The following GFRA1 variants were observed in gnomAD, a reference collection of about 807,000 sequenced individuals.
The protein encoded by GFRA1 is GDNF family receptor alpha-1.
Under a neutral mutation model 51.6 loss-of-function variants are expected in GFRA1, and 16 were observed. That is an observed-to-expected ratio of 0.31 (90% CI 0.21 to 0.47). GFRA1 has a LOEUF of 0.47. GFRA1 is among the 20% of genes least tolerant of loss of function. The pLI, the probability that GFRA1 is intolerant of heterozygous loss-of-function variation, is 1.00. For missense variants in GFRA1, 530 were observed against 594.3 expected (o/e 0.89, Z 1.13); for synonymous variants, 270 against 241.3 (o/e 1.12, Z -1.10).
At chr10:116,117,650 T>C (rs1957482654) in intron 6 of GFRA1, among the ~76,000 whole-genome samples, 1 of 151,534 alleles carries the variant, frequency 6.6e-6, no homozygotes, top group Admixed American at 6.6e-5. Context: ...GATTAATGGA[T>C]GGATAGATGG....
chr10:116,170,165 T>A (rs1960890133), intron 5 of GFRA1, among the ~76,000 whole-genome samples: 1 of 152,196 alleles, frequency 6.6e-6, no homozygotes, highest in African/African-American at 2.4e-5. Context: ...AACATGGAAG[T>A]ATAGGACAGG....
rs574612642 is a variant in GFRA1 at position 116,092,253 on chromosome 10, G to T, written c.1015+1449C>A. ...TTTTGTGGGTGTGAATTTCACTTAAGAATCCAAAAGCTTGTTTTATTTTTA... is the reference window on the plus strand; with the variant it reads ...TTTTGTGGGTGTGAATTTCACTTAATAATCCAAAAGCTTGTTTTATTTTTA... On this transcript the variant is annotated intron_variant, in intron 8 of 10. Coordinates refer to ENST00000355422, the MANE Select transcript of GFRA1 (RefSeq NM_005264.8). Among the ~76,000 whole-genome samples, 145 of 152,058 alleles carry T rather than the reference G, an allele frequency of 9.5e-4. 2 individuals carry two copies. Among genetic ancestry groups the T allele is most frequent in the African/African-American group, 3.3e-3 (139 of 41,520 alleles).
At chr10:116,251,949 A>C (rs1968402951) in intron 4 of GFRA1, among the ~76,000 whole-genome samples, 1 of 147,132 alleles carries the variant, frequency 6.8e-6, no homozygotes, top group Non-Finnish European at 1.5e-5. Context: ...GAGGACACAG[A>C]CAACAATAGG....
At chr10:116,173,548 C>A (rs184824460) in intron 5 of GFRA1, among the ~76,000 whole-genome samples, 2 of 152,262 alleles carry the variant, frequency 1.3e-5, no homozygotes, top group Admixed American at 1.3e-4. Flanking sequence ...AAGAGTATAC[C>A]TATTGCTTTC....
chr10:116,078,167 T>C (rs1344058294), intron 9 of GFRA1, among the ~76,000 whole-genome samples: 3 of 152,194 alleles, frequency 2.0e-5, no homozygotes, highest in Admixed American at 6.5e-5. Flanking sequence ...GAATACACAA[T>C]TGAAAATGTA....
At chr10:116,075,084 T>C (rs925134645) in intron 9 of GFRA1, among the ~76,000 whole-genome samples, 1 of 152,212 alleles carries the variant, frequency 6.6e-6, no homozygotes, top group Non-Finnish European at 1.5e-5. Context: ...ACTGTCCTTC[T>C]GATGGGCTGG....
chr10:116,220,298 C>T (rs1223612356), intron 4 of GFRA1, among the ~76,000 whole-genome samples: 5 of 152,186 alleles, frequency 3.3e-5, no homozygotes, highest in African/African-American at 1.2e-4. Context: ...AACGCACCCA[C>T]CCAACATACA....
At chr10:116,194,639 C>A (rs575749852) in intron 5 of GFRA1, among the ~76,000 whole-genome samples, 1 of 151,316 alleles carries the variant, frequency 6.6e-6, no homozygotes, top group Non-Finnish European at 1.5e-5. Context: ...CACTGAGCAA[C>A]TTTAATTTTT....
chr10:116,144,296 AACTC>A (rs140603659), intron 5 of GFRA1, among the ~76,000 whole-genome samples: 88,027 of 151,460 alleles, frequency 0.58, 25,753 homozygotes, highest in Admixed American at 0.65. Context: ...CTATCACATT[AACTC>A]ACTCATTCAT....
At chr10:116,073,039 T>C (rs1423592979) in intron 9 of GFRA1, among the ~76,000 whole-genome samples, 2 of 152,172 alleles carry the variant, frequency 1.3e-5, no homozygotes, top group Non-Finnish European at 2.9e-5. Context: ...GAACTTTGTA[T>C]GGAAGAGAAC....
At chr10:116,182,546 T>TCC (rs2134279871) in intron 5 of GFRA1, among the ~76,000 whole-genome samples, 1 of 152,286 alleles carries the variant, frequency 6.6e-6, no homozygotes, top group African/African-American at 2.4e-5. Flanking sequence ...ATTAAGGAAC[T>TCC]CCCTAGATGC....
intron 4 of GFRA1, among the ~76,000 whole-genome samples, chr10:116,243,095 A>T (rs781445072): frequency 4.1e-4 from 62 of 152,282 alleles, no homozygotes; most frequent in Non-Finnish European, 7.5e-4. Flanking sequence ...TTAAAATCTT[A>T]CTACATTTAT....
chr10:116,150,564 C>T (rs1368588407), intron 5 of GFRA1, among the ~76,000 whole-genome samples: 2 of 152,208 alleles, frequency 1.3e-5, no homozygotes, highest in East Asian at 3.8e-4. Flanking sequence ...ACCAGTGGCA[C>T]TTGTGGCTGC....
intron 4 of GFRA1, among the ~76,000 whole-genome samples, chr10:116,259,324 C>CT (rs77768306): frequency 0.45 from 64,425 of 143,794 alleles, 16,329 homozygotes; most frequent in African/African-American, 0.7. Flanking sequence ...CTATGTATTC[C>CT]TTTTTTTTTT....
At chr10:116,137,321 G>A (rs1452219110) in intron 5 of GFRA1, among the ~76,000 whole-genome samples, 1 of 152,212 alleles carries the variant, frequency 6.6e-6, no homozygotes. Flanking sequence ...AGATAATAAT[G>A]AATCATTGAT....
intron 4 of GFRA1, among the ~76,000 whole-genome samples, chr10:116,217,856 A>G (rs1014421568): frequency 2.0e-5 from 3 of 152,218 alleles, no homozygotes; most frequent in Admixed American, 6.5e-5. Context: ...GTACCCAGAA[A>G]GTCTTCTATA....
chr10:116,263,005 CA>C (rs1437909455), intron 4 of GFRA1, among the ~76,000 whole-genome samples: 2 of 152,132 alleles, frequency 1.3e-5, no homozygotes, highest in Non-Finnish European at 2.9e-5. Flanking sequence ...AGCATAAGGA[CA>C]GGGGTCCAAG....
At chr10:116,096,894 C>G in intron 6 of GFRA1, 130 bp from the exon 7 acceptor site, 1 of 634,656 alleles carries the variant, frequency 1.6e-6, no homozygotes, top group East Asian at 2.8e-5. Flanking sequence ...CACACACACA[C>G]ACACACATAC....
rs548673244 is a variant in GFRA1, at chr10:116,188,337, G to A, written c.433+23294C>T. ...GTGATAAATCTGTCTTAAAAAGGTG[G>A]GCAATAGTGGAACAGGCTGGACACA... On this transcript the variant is annotated intron_variant, in intron 5 of 10. Transcript: ENST00000355422. Among the ~76,000 whole-genome samples, 3 of 152,250 alleles carry A rather than the reference G, an allele frequency of 2.0e-5. No homozygotes were observed. In the South Asian group the frequency reaches 6.2e-4, roughly 32 times the overall value.
Sources: allele counts gnomAD v4.1 joint callset (sites outside exome capture counted in the v4.1 genomes callset), GRCh38; gene constraint gnomAD v4.1.1; transcripts MANE v1.5; gene names NCBI Gene and HGNC (gene_info 2026-07-23, HGNC 2026-07-21).